FARS2: variants seen among roughly 807,000 people sequenced by gnomAD.
The protein encoded by FARS2 is phenylalanine--tRNA ligase, mitochondrial.
Under a neutral mutation model 46.4 loss-of-function variants are expected in FARS2, and 40 were observed. That is an observed-to-expected ratio of 0.86 (90% CI 0.67 to 1.12). The LOEUF is 1.12. Ranked by LOEUF, FARS2 falls within the 50% of genes most tolerant of loss-of-function variation. FARS2 has a pLI of 0.00. For missense variants in FARS2, 513 were observed against 567.9 expected, an observed-to-expected ratio of 0.90 and a Z score of 0.98; for synonymous variants, 234 against 214.9, an observed-to-expected ratio of 1.09 and a Z score of -0.78.
rs375169870 is a variant in FARS2 at position 5,654,139 on chromosome 6, G to A, written c.1217+40819G>A. ...ATCCCCAGTCACATTAGGGCCCTACGTCCACAGAGGAGCAGCAGGAGCAGA... is the reference window on the plus strand; with the variant it reads ...ATCCCCAGTCACATTAGGGCCCTACATCCACAGAGGAGCAGCAGGAGCAGA... On this transcript the variant is annotated intron_variant, in intron 6 of 6. Transcript: ENST00000274680. 3.3e-5 allele frequency among the ~76,000 whole-genome samples: 5 copies of A among 152,238 alleles called. No individual in the cohort carries two copies. The South Asian group carries it at 6.2e-4, about 19-fold the overall frequency.
At chr6:5,759,424 C>T (rs1228291041) in intron 6 of FARS2, among the ~76,000 whole-genome samples, 2 of 152,162 alleles carry the variant, frequency 1.3e-5, no homozygotes, top group African/African-American at 2.4e-5. Flanking sequence ...GTGGAATCTA[C>T]AAGTCATGTC....
chr6:5,512,388 G>A (rs896894721), intron 4 of FARS2, among the ~76,000 whole-genome samples: 10 of 151,830 alleles, frequency 6.6e-5, no homozygotes, highest in African/African-American at 2.4e-4. Context: ...AACAAGAAGG[G>A]CATGTCTTCT....
chr6:5,501,399 C>T (rs34669476), intron 4 of FARS2, among the ~76,000 whole-genome samples: 34,736 of 152,136 alleles, frequency 0.23, 5,122 homozygotes, highest in Non-Finnish European at 0.33. Flanking sequence ...TAGGTGACTA[C>T]ACAGCTCAGT....
chr6:5,473,533 CAAAAAAAAAAACA>C (rs1281677950), intron 4 of FARS2, among the ~76,000 whole-genome samples: 11 of 82,166 alleles, frequency 1.3e-4, no homozygotes, highest in Admixed American at 6.2e-4. Context: ...TCTCAAAAAA[CAAAAAAAAAAACA>C]AAAAAAAAAA....
rs184413519 is a variant in FARS2, at chr6:5,309,269, G to C, written c.-22+47609G>C. ...CTCTCTAGGACTTAGTAATGGATTGGATGTGGGAGATTCAAGGAGAAGGAG... is the reference window on the plus strand; with the variant it reads ...CTCTCTAGGACTTAGTAATGGATTGCATGTGGGAGATTCAAGGAGAAGGAG... On this transcript the variant is annotated intron_variant, in intron 1 of 6. Coordinates refer to ENST00000274680, the MANE Select transcript of FARS2 (RefSeq NM_006567.5). 1.1e-4 allele frequency among the ~76,000 whole-genome samples: 17 copies of C among 152,242 alleles called. No homozygotes were observed. In the East Asian group the frequency reaches 3.3e-3, roughly 29 times the overall value.
At chr6:5,459,659 A>T (rs952594410) in intron 4 of FARS2, among the ~76,000 whole-genome samples, 12 of 151,978 alleles carry the variant, frequency 7.9e-5, no homozygotes, top group Admixed American at 1.3e-4. Context: ...TACTCTTTTT[A>T]AAAAAAGACT....
chr6:5,692,505 T>G (rs1757813940), intron 6 of FARS2, among the ~76,000 whole-genome samples: 1 of 152,154 alleles, frequency 6.6e-6, no homozygotes, highest in South Asian at 2.1e-4. Context: ...CACCACACAC[T>G]GGGCTGGGCA....
At chr6:5,622,771 G>A (rs7760430) in intron 6 of FARS2, among the ~76,000 whole-genome samples, 11,963 of 152,154 alleles carry the variant, frequency 0.079, 1,447 homozygotes, top group African/African-American at 0.26. Flanking sequence ...TGAGAAATGC[G>A]TTTCTATTGT....
intron 3 of FARS2, among the ~76,000 whole-genome samples, chr6:5,428,175 T>A (rs1183426625): frequency 1.3e-5 from 2 of 152,204 alleles, no homozygotes. Flanking sequence ...TTGTAATTGT[T>A]TTCAGTGCTT....
At chr6:5,539,857 C>A (rs1770510152) in intron 4 of FARS2, among the ~76,000 whole-genome samples, 1 of 152,130 alleles carries the variant, frequency 6.6e-6, no homozygotes, top group Non-Finnish European at 1.5e-5. Flanking sequence ...GACAGCCCAG[C>A]CTCCCCTCGC....
At chr6:5,454,324 A>G (rs1764696936) in intron 4 of FARS2, among the ~76,000 whole-genome samples, 1 of 151,384 alleles carries the variant, frequency 6.6e-6, no homozygotes, top group Admixed American at 6.6e-5. Flanking sequence ...AAATATCAAC[A>G]CTTGTTTTTT....
At chr6:5,613,344 T>C (rs747626934) in intron 6 of FARS2, 24 bp downstream of exon 6, 16 of 1,601,738 alleles carry the variant, frequency 1.0e-5, no homozygotes, top group Non-Finnish European at 1.4e-5. Context: ...TTTCTGATTT[T>C]ACCCTTGACT....
At chr6:5,762,494 A>C (rs1176851977) in intron 6 of FARS2, among the ~76,000 whole-genome samples, 1 of 152,238 alleles carries the variant, frequency 6.6e-6, no homozygotes, top group African/African-American at 2.4e-5. Context: ...GGTGCTTGGC[A>C]GGAGACACTC....
intron 1 of FARS2, among the ~76,000 whole-genome samples, chr6:5,331,231 G>A (rs994875946): frequency 6.6e-6 from 1 of 151,718 alleles, no homozygotes; most frequent in Non-Finnish European, 1.5e-5. Flanking sequence ...ATTTTGCTTG[G>A]CTGTCTTAAT....
upstream of FARS2, among the ~76,000 whole-genome samples, chr6:5,256,144 CATCAGAAT>C (rs1764654306): frequency 6.6e-6 from 1 of 151,908 alleles, no homozygotes; most frequent in African/African-American, 2.4e-5. Context: ...TTCTAGGGAA[CATCAGAAT>C]TGAAGGAGTT....
chr6:5,369,740 A>G (rs544997662), intron 2 of FARS2, among the ~76,000 whole-genome samples: 2 of 152,190 alleles, frequency 1.3e-5, no homozygotes, highest in Admixed American at 1.3e-4. Context: ...GGATGTCTTA[A>G]TTGCTGCTAT....
chr6:5,347,700 C>T (rs1412989448), intron 1 of FARS2, among the ~76,000 whole-genome samples: 1 of 152,126 alleles, frequency 6.6e-6, no homozygotes, highest in Non-Finnish European at 1.5e-5. Context: ...GGTAGGTGTA[C>T]GTTTAGCTTT....
intron 6 of FARS2, among the ~76,000 whole-genome samples, 187 bp from the exon 7 acceptor site, chr6:5,771,104 G>A (rs559976499): frequency 5.3e-5 from 8 of 152,318 alleles, no homozygotes; most frequent in South Asian, 2.1e-4. Flanking sequence ...TTAGTCAAGC[G>A]AATGTTTCCC....
intron 5 of FARS2, among the ~76,000 whole-genome samples, chr6:5,557,679 A>G (rs998034179): frequency 1.4e-4 from 21 of 152,086 alleles, no homozygotes; most frequent in African/African-American, 4.8e-4. Flanking sequence ...AATGGATGAT[A>G]GGGGGTACTG....
Sources: allele counts gnomAD v4.1 joint callset (sites outside exome capture counted in the v4.1 genomes callset), GRCh38; gene constraint gnomAD v4.1.1; transcripts MANE v1.5; gene names NCBI Gene and HGNC (gene_info 2026-07-23, HGNC 2026-07-21).